AK7: variants seen among roughly 807,000 people sequenced by gnomAD.
AK7 encodes ATP-AMP transphosphorylase 7.
A neutral mutation model predicts 96.6 loss-of-function variants in AK7; 78 were observed. That is an observed-to-expected ratio of 0.81 (90% CI 0.67 to 0.97). AK7 has a LOEUF of 0.97. AK7 is among the 50% of genes least tolerant of loss of function. The probability of loss-of-function intolerance (pLI) is 0.00; values close to 1 mark genes in which losing one functional copy is unlikely to be tolerated. For synonymous variants in AK7, 302 were observed against 317.2 expected, an observed-to-expected ratio of 0.95 and a Z score of 0.51; for missense variants, 855 against 887.9, an observed-to-expected ratio of 0.96 and a Z score of 0.47.
intron 5 of AK7, among the ~76,000 whole-genome samples, chr14:96,421,203 T>C (rs1025402047): frequency 6.6e-6 from 1 of 152,134 alleles, no homozygotes; most frequent in African/African-American, 2.4e-5. Flanking sequence ...AGAGTTGTAA[T>C]GGGGAACAGG....
intron 4 of AK7, among the ~76,000 whole-genome samples, chr14:96,418,601 C>G (rs1417332607): frequency 6.6e-6 from 1 of 152,118 alleles, no homozygotes; most frequent in African/African-American, 2.4e-5. Flanking sequence ...TCACTGCAAC[C>G]TCAGCCTCCC....
chr14:96,425,480 A>T (rs896683898), intron 5 of AK7, among the ~76,000 whole-genome samples: 15 of 119,102 alleles, frequency 1.3e-4, no homozygotes, highest in East Asian at 2.4e-4. Flanking sequence ...AGTCACACTG[A>T]TTTTTTTTTT....
intron 5 of AK7, chr14:96,423,734 T>G: frequency 1.4e-6 from 1 of 712,820 alleles, no homozygotes; most frequent in Non-Finnish European, 2.6e-6. Context: ...GGGCACATAG[T>G]CGTCCCACTC....
intron 2 of AK7, among the ~76,000 whole-genome samples, chr14:96,400,189 C>T (rs113509455): frequency 0.017 from 2,524 of 151,932 alleles, 77 homozygotes; most frequent in African/African-American, 0.058. Flanking sequence ...CAAGCGCGTG[C>T]CACCACACCC....
intron 12 of AK7, among the ~76,000 whole-genome samples, chr14:96,464,282 C>T (rs58670421): frequency 0.086 from 13,000 of 151,872 alleles, 650 homozygotes; most frequent in East Asian, 0.12. Context: ...CTTGGCCAGG[C>T]GCAGTGGCTC....
chr14:96,395,640 G>A (rs1171382911), intron 1 of AK7, among the ~76,000 whole-genome samples: 2 of 150,008 alleles, frequency 1.3e-5, no homozygotes, highest in Non-Finnish European at 3.0e-5. Flanking sequence ...CCCAGTTTGA[G>A]GCTACAGTGA....
chr14:96,404,549 C>T (rs902196808), intron 2 of AK7, among the ~76,000 whole-genome samples: 1 of 152,176 alleles, frequency 6.6e-6, no homozygotes, highest in African/African-American at 2.4e-5. Context: ...ATCATCTGTT[C>T]CAAGCTGTTT....
At chr14:96,471,002 A>G (rs928890692) in intron 12 of AK7, among the ~76,000 whole-genome samples, 2 of 152,144 alleles carry the variant, frequency 1.3e-5, no homozygotes, top group Admixed American at 6.5e-5. Context: ...GTTCTCCTAC[A>G]TTACTGTGCA....
At chr14:96,462,491 C>T (rs1239804181) in intron 12 of AK7, among the ~76,000 whole-genome samples, 2 of 152,152 alleles carry the variant, frequency 1.3e-5, no homozygotes, top group African/African-American at 2.4e-5. Flanking sequence ...TTCCCAGTCC[C>T]ACAGTGAGGC....
At chr14:96,441,460 G>A (rs1892952480) in intron 6 of AK7, among the ~76,000 whole-genome samples, 2 of 151,888 alleles carry the variant, frequency 1.3e-5, no homozygotes, top group South Asian at 4.2e-4. Flanking sequence ...CCAACATGGT[G>A]AAATCCCATC....
At position 96,420,930 on chromosome 14, in the gene AK7, A is replaced by C. The variant is rs1257647482; in HGVS notation, c.607A>C (p.Lys203Gln). The C allele has an allele frequency of 6.3e-7, 1 of 1,594,360 alleles. No homozygotes were observed. The highest frequency in any genetic ancestry group is 1.1e-5 in the South Asian group (1 of 90,594). The change falls in exon 5 of 18, where the codon AAG becomes CAG. Residue 203 changes from lysine to glutamine, a missense_variant and splice_region_variant. Coordinates refer to ENST00000267584, the MANE Select transcript of AK7 (RefSeq NM_152327.5). ...AAAAATGGTTCTCAAATTTGGAAAA[A>C]AGGTAAGTCTGGCATAGTGGAACAT... ...AEKMVLKFGK[K>Q]ARKFAAYVVA...
chr14:96,433,352 G>A (rs1892462475), intron 5 of AK7, among the ~76,000 whole-genome samples: 1 of 152,114 alleles, frequency 6.6e-6, no homozygotes, highest in Admixed American at 6.5e-5. Context: ...AATATTTCTT[G>A]GAGGCTTTGT....
chr14:96,468,765 A>G (rs1249573531), intron 12 of AK7, among the ~76,000 whole-genome samples: 3 of 152,112 alleles, frequency 2.0e-5, no homozygotes, highest in Non-Finnish European at 4.4e-5. Context: ...AACATGTTTT[A>G]GTAATTATGA....
In AK7 at chr14:96,392,198, T is replaced by C. The variant is rs1201579261; in HGVS notation, c.44T>C (p.Ile15Thr). ...ACTGCTGCTCTCACGGAGAAGGTTA[T>C]CCGGACCCAGAGGGTGTTTATAAAC... ...EETAALTEKV[I>T]RTQRVFINLL... The change falls in exon 1 of 18, where the codon ATC (isoleucine) becomes ACC (threonine). Residue 15 changes from isoleucine to threonine, a missense_variant. By Grantham distance (89) the Ile-to-Thr change is moderately conservative (BLOSUM62 -1). Transcript: ENST00000267584. The C allele has an allele frequency of 6.2e-7, 1 of 1,613,640 alleles. No individual in the cohort carries two copies. Among genetic ancestry groups the C allele is most frequent in the Non-Finnish European group, 8.5e-7 (1 of 1,179,712 alleles).
chr14:96,486,382 C>T (rs78047919), intron 16 of AK7, among the ~76,000 whole-genome samples: 2,043 of 152,232 alleles, frequency 0.013, 38 homozygotes, highest in African/African-American at 0.046. Flanking sequence ...TATTTGTACT[C>T]GTACTGTTTA....
At chr14:96,481,403 G>T (rs1264991584) in intron 15 of AK7, among the ~76,000 whole-genome samples, 1 of 152,112 alleles carries the variant, frequency 6.6e-6, no homozygotes, top group African/African-American at 2.4e-5. Flanking sequence ...CTGAAGTGCA[G>T]TGGCGCAATC....
chr14:96,394,954 C>T (rs1889979671), intron 1 of AK7, among the ~76,000 whole-genome samples: 1 of 152,140 alleles, frequency 6.6e-6, no homozygotes, highest in Non-Finnish European at 1.5e-5. Flanking sequence ...CCAGCCTGGG[C>T]AACAGAGTAA....
At position 96,420,937 on chromosome 14, in the gene AK7, G is replaced by A. The variant is rs1438371013; in HGVS notation, c.609+5G>A. 4.5e-6 allele frequency: 7 copies of A among 1,558,166 alleles called. No homozygotes were observed. The African/African-American group carries it at 6.8e-5, about 15-fold the overall frequency. The stretch of plus-strand genomic sequence containing the variant: ...GTTCTCAAATTTGGAAAAAAGGTAA[G>A]TCTGGCATAGTGGAACATGGACATC... On this transcript the variant is annotated splice_donor_5th_base_variant and intron_variant, in intron 5 of 17. Coordinates refer to ENST00000267584, the MANE Select transcript of AK7 (RefSeq NM_152327.5).
intron 7 of AK7, among the ~76,000 whole-genome samples, chr14:96,443,923 G>A (rs1387841775): frequency 1.3e-5 from 2 of 151,774 alleles, no homozygotes; most frequent in African/African-American, 2.4e-5. Flanking sequence ...ACAGGCACCC[G>A]CCACCATGCC....
Sources: allele counts gnomAD v4.1 joint callset (sites outside exome capture counted in the v4.1 genomes callset), GRCh38; gene constraint gnomAD v4.1.1; transcripts MANE v1.5; gene names NCBI Gene and HGNC (gene_info 2026-07-23, HGNC 2026-07-21).